Variants in SPMIP2 observed in about 807,000 individuals in gnomAD.
SPMIP2 encodes the protein sperm microtubule inner protein 2.
chr4:159,072,336 T>C, the SPMIP2 span, among the ~76,000 whole-genome samples: 1 of 152,114 alleles, frequency 6.6e-6, no homozygotes, highest in Non-Finnish European at 1.5e-5. Flanking sequence ...AAGAAAAATA[T>C]TAATAGAAGT....
At chr4:158,962,364 T>C in the SPMIP2 span, among the ~76,000 whole-genome samples, 2 of 152,186 alleles carry the variant, frequency 1.3e-5, no homozygotes, top group Non-Finnish European at 2.9e-5. Flanking sequence ...AATTTTTACT[T>C]TTCTTACTTC....
chr4:159,063,517 T>A, the SPMIP2 span, among the ~76,000 whole-genome samples: 1 of 151,828 alleles, frequency 6.6e-6, no homozygotes, highest in African/African-American at 2.4e-5. Context: ...GCCACTGCAC[T>A]CCAGACTGGG....
At chr4:158,959,577 A>T in the SPMIP2 span, among the ~76,000 whole-genome samples, 1 of 152,188 alleles carries the variant, frequency 6.6e-6, no homozygotes, top group Non-Finnish European at 1.5e-5. Flanking sequence ...GCTAATAGCT[A>T]AATCCTTCAA....
the SPMIP2 span, among the ~76,000 whole-genome samples, chr4:158,985,580 A>G: frequency 2.0e-5 from 3 of 152,208 alleles, no homozygotes; most frequent in African/African-American, 7.2e-5. Flanking sequence ...AAAAAATTCA[A>G]CAATGCTTCA....
At chr4:158,902,861 G>A in the SPMIP2 span, among the ~76,000 whole-genome samples, 1 of 152,042 alleles carries the variant, frequency 6.6e-6, no homozygotes, top group African/African-American at 2.4e-5. Flanking sequence ...GTCCCAGGTC[G>A]ACCTCAGACT....
chr4:158,925,580 C>T, the SPMIP2 span, among the ~76,000 whole-genome samples: 1 of 152,122 alleles, frequency 6.6e-6, no homozygotes. Flanking sequence ...TACTTAGATT[C>T]ATAAGAAGCA....
At chr4:158,904,366 T>A in the SPMIP2 span, 1 of 1,056,146 alleles carries the variant, frequency 9.5e-7, no homozygotes, top group Non-Finnish European at 1.4e-6. Flanking sequence ...TCTATCAAAC[T>A]TAGTACCTAG....
At chr4:159,081,546 C>T in the SPMIP2 span, among the ~76,000 whole-genome samples, 1 of 151,804 alleles carries the variant, frequency 6.6e-6, no homozygotes, top group East Asian at 1.9e-4. Context: ...TAAAAATTAG[C>T]TTGGTGTGGT....
At chr4:158,988,212 T>G in the SPMIP2 span, among the ~76,000 whole-genome samples, 2 of 152,202 alleles carry the variant, frequency 1.3e-5, no homozygotes, top group Non-Finnish European at 2.9e-5. Context: ...AATGCCTGAA[T>G]AGACCAATAA....
the SPMIP2 span, among the ~76,000 whole-genome samples, chr4:158,927,701 G>A: frequency 6.6e-6 from 1 of 152,266 alleles, no homozygotes; most frequent in Non-Finnish European, 1.5e-5. Context: ...GAGGTGTGGA[G>A]GGAGAGGCGC....
chr4:158,916,290 GA>G, the SPMIP2 span, among the ~76,000 whole-genome samples: 4 of 152,046 alleles, frequency 2.6e-5, no homozygotes, highest in Admixed American at 6.6e-5. Flanking sequence ...GAAGTACTAG[GA>G]AAAAAAATTA....
chr4:158,953,229 C>T, the SPMIP2 span, among the ~76,000 whole-genome samples: 1 of 152,166 alleles, frequency 6.6e-6, no homozygotes, highest in African/African-American at 2.4e-5. Context: ...ATGGGCTGGG[C>T]CCAGGGTCCC....
At chr4:158,996,864 C>T in the SPMIP2 span, among the ~76,000 whole-genome samples, 1 of 152,194 alleles carries the variant, frequency 6.6e-6, no homozygotes, top group African/African-American at 2.4e-5. Flanking sequence ...AGTCATTCGT[C>T]TCTTCCTAAA....
the SPMIP2 span, among the ~76,000 whole-genome samples, chr4:159,060,552 T>C: frequency 1.3e-5 from 2 of 152,130 alleles, no homozygotes; most frequent in African/African-American, 4.8e-5. Context: ...GAATAGTAGG[T>C]AAGGATGGTG....
chr4:159,076,160 G>A, the SPMIP2 span, among the ~76,000 whole-genome samples: 5 of 152,192 alleles, frequency 3.3e-5, no homozygotes, highest in East Asian at 1.9e-4. Context: ...TTGCAGCTCA[G>A]AGGGTTATTA....
chr4:159,045,724 A>G, the SPMIP2 span, among the ~76,000 whole-genome samples: 1 of 152,196 alleles, frequency 6.6e-6, no homozygotes, highest in Admixed American at 6.5e-5. Context: ...ACAAATATTT[A>G]CCATTTCACA....
chr4:158,981,655 C>T, the SPMIP2 span, among the ~76,000 whole-genome samples: 1 of 151,978 alleles, frequency 6.6e-6, no homozygotes, highest in South Asian at 2.1e-4. Context: ...CAAGCAAATG[C>T]TGAGGGATTT....
chr4:158,968,396 G>C, the SPMIP2 span, among the ~76,000 whole-genome samples: 6 of 152,174 alleles, frequency 3.9e-5, no homozygotes, highest in African/African-American at 1.4e-4. Context: ...GGGATGCTAG[G>C]AGACAATTGA....
At chr4:159,035,197 C>T in the SPMIP2 span, 1 of 913,776 alleles carries the variant, frequency 1.1e-6, no homozygotes, top group Non-Finnish European at 1.7e-6. Flanking sequence ...CTTTCCTCTC[C>T]CTGCTTGTGA....
Sources: gnomAD v4.1 joint callset for allele counts (sites outside exome capture counted in the v4.1 genomes callset) on GRCh38, gnomAD v4.1.1 for gene constraint, MANE v1.5 for transcripts, NCBI Gene and HGNC (gene_info 2026-07-23, HGNC 2026-07-21) for gene names.